DCC: variants seen among roughly 807,000 people sequenced by gnomAD.
The protein encoded by DCC is DCC netrin 1 receptor.
A neutral mutation model predicts 172.5 loss-of-function variants in DCC; 58 were observed. That is an observed-to-expected ratio of 0.34 (90% CI 0.27 to 0.42). The LOEUF (loss-of-function observed/expected upper bound fraction) is 0.42. DCC is among the 10% of genes least tolerant of loss of function. The probability of loss-of-function intolerance (pLI) is 1.00; values close to 1 mark genes in which losing one functional copy is unlikely to be tolerated. For missense variants in DCC, 1,740 were observed against 1,791.0 expected, an observed-to-expected ratio of 0.97 and a Z score of 0.51; for synonymous variants, 709 against 644.5, an observed-to-expected ratio of 1.10 and a Z score of -1.52.
chr18:53,458,881 G>T (rs775213698), intron 23 of DCC, among the ~76,000 whole-genome samples: 1 of 152,132 alleles, frequency 6.6e-6, no homozygotes, highest in Non-Finnish European at 1.5e-5. Flanking sequence ...CTCCTAAACA[G>T]ATGTTGCCAT....
chr18:52,512,280 C>T (rs80233377), intron 1 of DCC, among the ~76,000 whole-genome samples: 7,326 of 152,226 alleles, frequency 0.048, 222 homozygotes, highest in Non-Finnish European at 0.059. Flanking sequence ...TACATTTCCT[C>T]CTTAGCTGCT....
intron 1 of DCC, among the ~76,000 whole-genome samples, chr18:52,508,568 G>T (rs923293262): frequency 6.6e-6 from 1 of 152,140 alleles, no homozygotes; most frequent in Non-Finnish European, 1.5e-5. Context: ...ATTGATTGGG[G>T]CTGTAAAGTA....
intron 1 of DCC, among the ~76,000 whole-genome samples, chr18:52,502,710 G>A (rs901857773): frequency 3.3e-5 from 5 of 152,070 alleles, no homozygotes; most frequent in African/African-American, 7.2e-5. Flanking sequence ...TGCCACATGC[G>A]AAGTCTATCT....
chr18:52,956,809 A>C (rs1174264497), intron 5 of DCC, among the ~76,000 whole-genome samples: 1 of 152,162 alleles, frequency 6.6e-6, no homozygotes, highest in African/African-American at 2.4e-5. Flanking sequence ...AATGGATTAA[A>C]ATTTGTAAAC....
chr18:52,844,625 T>G (rs1019826912), intron 2 of DCC, among the ~76,000 whole-genome samples: 1 of 152,204 alleles, frequency 6.6e-6, no homozygotes, highest in Non-Finnish European at 1.5e-5. Flanking sequence ...CTGGATTATG[T>G]AGATCAGTAT....
At chr18:53,167,659 A>C (rs2054942782) in intron 8 of DCC, among the ~76,000 whole-genome samples, 1 of 152,202 alleles carries the variant, frequency 6.6e-6, no homozygotes, top group Non-Finnish European at 1.5e-5. Flanking sequence ...TGCTCAGTGA[A>C]TCTATATGCT....
chr18:52,915,185 G>A (rs1187148403), intron 3 of DCC, among the ~76,000 whole-genome samples: 1 of 152,030 alleles, frequency 6.6e-6, no homozygotes, highest in Non-Finnish European at 1.5e-5. Context: ...TTCATGTTGA[G>A]GTTCCTAAAT....
intron 12 of DCC, among the ~76,000 whole-genome samples, chr18:53,269,820 A>G (rs1459134797): frequency 6.6e-6 from 1 of 152,174 alleles, no homozygotes; most frequent in Non-Finnish European, 1.5e-5. Context: ...TTACTCAAGT[A>G]TAATTTCTGG....
intron 1 of DCC, among the ~76,000 whole-genome samples, chr18:52,576,622 G>A (rs777508589): frequency 9.2e-5 from 14 of 152,056 alleles, no homozygotes; most frequent in African/African-American, 1.2e-4. Context: ...GAGGTCAGGA[G>A]ATCGAGACCA....
intron 1 of DCC, among the ~76,000 whole-genome samples, chr18:52,667,677 C>A (rs1374949576): frequency 6.6e-6 from 1 of 152,146 alleles, no homozygotes; most frequent in African/African-American, 2.4e-5. Flanking sequence ...CATAACAGCC[C>A]CTGGCTTTGG....
intron 1 of DCC, among the ~76,000 whole-genome samples, chr18:52,719,947 G>C (rs2036447883): frequency 6.6e-6 from 1 of 152,098 alleles, no homozygotes; most frequent in South Asian, 2.1e-4. Context: ...GGATTTGGGG[G>C]TCCCTTCAAC....
At chr18:53,482,186 G>A (rs761701736) in intron 25 of DCC, among the ~76,000 whole-genome samples, 1 of 152,056 alleles carries the variant, frequency 6.6e-6, no homozygotes, top group Non-Finnish European at 1.5e-5. Flanking sequence ...ATTATTTTTT[G>A]TTATAAGTAA....
intron 2 of DCC, among the ~76,000 whole-genome samples, chr18:52,772,937 A>G (rs2037367518): frequency 6.6e-6 from 1 of 152,198 alleles, no homozygotes; most frequent in African/African-American, 2.4e-5. Flanking sequence ...TTGCCAAGAA[A>G]ATAAACTGCA....
intron 1 of DCC, among the ~76,000 whole-genome samples, chr18:52,654,791 A>G (rs1183100940): frequency 6.6e-6 from 1 of 152,122 alleles, no homozygotes; most frequent in Non-Finnish European, 1.5e-5. Flanking sequence ...TTAAATTTGG[A>G]AACTGAGTTG....
At chr18:53,193,905 A>C (rs2055402753) in intron 9 of DCC, among the ~76,000 whole-genome samples, 4 of 152,222 alleles carry the variant, frequency 2.6e-5, no homozygotes, top group Admixed American at 2.6e-4. Context: ...GTCTGAAAAA[A>C]GATTACTTGC....
At chr18:53,481,173 A>T (rs2045827921) in intron 25 of DCC, 1 of 152,196 alleles carries the variant, frequency 6.6e-6, no homozygotes, top group South Asian at 2.1e-4. Context: ...TTTCTGCCAC[A>T]TTCTACTGCT....
At chr18:52,894,844 G>T (rs563247110) in intron 2 of DCC, among the ~76,000 whole-genome samples, 92 of 152,262 alleles carry the variant, frequency 6.0e-4, no homozygotes, top group African/African-American at 2.0e-3. Context: ...CCACACTGGG[G>T]AAGACATTGT....
intron 1 of DCC, among the ~76,000 whole-genome samples, chr18:52,420,127 TA>T (rs1156641296): frequency 6.6e-6 from 1 of 152,192 alleles, no homozygotes; most frequent in Non-Finnish European, 1.5e-5. Flanking sequence ...TGTACATTTT[TA>T]AATAATGGTT....
chr18:53,235,725 A>G (rs2056191934), intron 12 of DCC, among the ~76,000 whole-genome samples: 1 of 152,082 alleles, frequency 6.6e-6, no homozygotes. Context: ...CATCTCCAGA[A>G]CTTTTTCATC....
Sources: gnomAD v4.1 joint callset for allele counts (sites outside exome capture counted in the v4.1 genomes callset) on GRCh38, gnomAD v4.1.1 for gene constraint, MANE v1.5 for transcripts, NCBI Gene and HGNC (gene_info 2026-07-23, HGNC 2026-07-21) for gene names.